Variants in CIMAP2 observed in about 807,000 individuals in gnomAD.
CIMAP2 encodes ciliary microtubule-associated protein 2.
At chr1:54,820,303 A>G in the CIMAP2 span, among the ~76,000 whole-genome samples, 1 of 151,506 alleles carries the variant, frequency 6.6e-6, no homozygotes, top group Non-Finnish European at 1.5e-5. Context: ...TAGTAGCTGG[A>G]ACTGCAGGTG....
chr1:54,811,896 A>C, the CIMAP2 span: 1 of 1,613,910 alleles, frequency 6.2e-7, no homozygotes, highest in Non-Finnish European at 8.5e-7. Flanking sequence ...CCTCATGTGC[A>C]GGATGAGCAA....
the CIMAP2 span, among the ~76,000 whole-genome samples, chr1:54,810,545 T>C: frequency 6.6e-6 from 1 of 152,088 alleles, no homozygotes; most frequent in Non-Finnish European, 1.5e-5. Context: ...GTGGCCTGAC[T>C]CCCCACGCAG....
the CIMAP2 span, among the ~76,000 whole-genome samples, chr1:54,822,310 A>T: frequency 6.6e-6 from 1 of 151,986 alleles, no homozygotes; most frequent in East Asian, 1.9e-4. Context: ...ACATAGTACT[A>T]GAAGTCCTAG....
chr1:54,840,566 C>G, the CIMAP2 span, among the ~76,000 whole-genome samples: 1 of 152,170 alleles, frequency 6.6e-6, no homozygotes, highest in Non-Finnish European at 1.5e-5. Flanking sequence ...GCTGAACTAT[C>G]TTGAAATGGC....
chr1:54,815,713 G>A, the CIMAP2 span, among the ~76,000 whole-genome samples: 2 of 152,140 alleles, frequency 1.3e-5, no homozygotes, highest in African/African-American at 4.8e-5. Context: ...TTTTATTGGA[G>A]TCTAATAATC....
At chr1:54,840,982 G>C in the CIMAP2 span, among the ~76,000 whole-genome samples, 2 of 152,218 alleles carry the variant, frequency 1.3e-5, no homozygotes, top group Non-Finnish European at 2.9e-5. Flanking sequence ...AGACAGGGAG[G>C]CTGCCTCAAT....
At chr1:54,811,657 G>A in the CIMAP2 span, 3 of 915,562 alleles carry the variant, frequency 3.3e-6, no homozygotes, top group Non-Finnish European at 3.4e-6. Context: ...TTGTGTGTCA[G>A]AGGGCAGGTA....
At chr1:54,811,765 G>GCCGGGGGGGGGGGGGGGGGGGGGCC in the CIMAP2 span, 2 of 1,301,332 alleles carry the variant, frequency 1.5e-6, no homozygotes, top group Non-Finnish European at 1.1e-6. Flanking sequence ...GGTTCTGACA[G>GCCGGGGGGGGGGGGGGGGGGGGGCC]CCTCCATGCC....
the CIMAP2 span, among the ~76,000 whole-genome samples, chr1:54,828,317 A>G: frequency 1.3e-5 from 2 of 151,880 alleles, no homozygotes; most frequent in African/African-American, 4.9e-5. Context: ...AGGCAAAAAA[A>G]GGATTCCATT....
the CIMAP2 span, among the ~76,000 whole-genome samples, chr1:54,816,444 G>A: frequency 2.0e-5 from 3 of 152,118 alleles, no homozygotes; most frequent in Admixed American, 6.5e-5. Context: ...CTGTGACCCC[G>A]ATATCTGGGT....
the CIMAP2 span, among the ~76,000 whole-genome samples, chr1:54,816,785 GT>G: frequency 6.6e-6 from 1 of 152,154 alleles, no homozygotes; most frequent in South Asian, 2.1e-4. Flanking sequence ...AACTAATTAT[GT>G]CTGTAGCAAC....
the CIMAP2 span, among the ~76,000 whole-genome samples, chr1:54,813,483 T>C: frequency 6.6e-6 from 1 of 152,212 alleles, no homozygotes; most frequent in East Asian, 1.9e-4. Context: ...TAAGACATCG[T>C]TCCTGCTTAG....
the CIMAP2 span, chr1:54,811,793 G>A: frequency 3.1e-5 from 8 of 258,486 alleles, no homozygotes; most frequent in Admixed American, 3.7e-4. Flanking sequence ...CCGCCCCACA[G>A]AACTACTATC....
the CIMAP2 span, among the ~76,000 whole-genome samples, chr1:54,836,344 C>G: frequency 6.6e-6 from 1 of 151,260 alleles, no homozygotes; most frequent in East Asian, 2.0e-4. Context: ...CTGTGTCCCC[C>G]TTTCCTTATT....
the CIMAP2 span, among the ~76,000 whole-genome samples, chr1:54,808,293 G>T: frequency 6.6e-6 from 1 of 152,186 alleles, no homozygotes; most frequent in Non-Finnish European, 1.5e-5. Context: ...GACAGGCAAG[G>T]GACAGGCAGT....
chr1:54,814,106 T>C, the CIMAP2 span: 37 of 1,186,192 alleles, frequency 3.1e-5, no homozygotes, highest in Non-Finnish European at 3.5e-6. Flanking sequence ...TGGTTTCCAA[T>C]CCTGGTCTGG....
the CIMAP2 span, chr1:54,811,773 G>GTCCCCCCCCCCCCCCCCCC: frequency 1.5e-6 from 2 of 1,325,050 alleles, no homozygotes; most frequent in South Asian, 1.3e-5. Context: ...CAGCCTCCAT[G>GTCCCCCCCCCCCCCCCCCC]CCCCCACCCC....
chr1:54,841,780 AT>A, the CIMAP2 span: 1 of 1,603,382 alleles, frequency 6.2e-7, no homozygotes, highest in Non-Finnish European at 8.5e-7. Context: ...TCCTTTTTTA[AT>A]TTTTTCTGTC....
At chr1:54,814,925 C>T in the CIMAP2 span, 2 of 1,614,178 alleles carry the variant, frequency 1.2e-6, no homozygotes, top group Non-Finnish European at 1.7e-6. Context: ...CCACATCTGG[C>T]CCCAGTTTCT....
Sources: gnomAD v4.1 joint callset for allele counts (sites outside exome capture counted in the v4.1 genomes callset) on GRCh38, gnomAD v4.1.1 for gene constraint, MANE v1.5 for transcripts, NCBI Gene and HGNC (gene_info 2026-07-23, HGNC 2026-07-21) for gene names.